Variants in ARRB1 observed in about 807,000 individuals in gnomAD.
The protein encoded by ARRB1 is arrestin beta 1.
A neutral mutation model predicts 56.8 loss-of-function variants in ARRB1; 21 were observed. The observed-to-expected ratio is 0.37, with a 90% CI of 0.26 to 0.53. ARRB1 has a LOEUF of 0.53. Ranked by LOEUF, ARRB1 falls within the 20% of genes least tolerant of loss-of-function variation. The pLI, the probability that ARRB1 is intolerant of heterozygous loss-of-function variation, is 0.88. For missense variants in ARRB1, 424 were observed against 553.7 expected (o/e 0.77, Z 2.35); for synonymous variants, 210 against 218.6 (o/e 0.96, Z 0.35).
At position 75,294,043 on chromosome 11, in the gene ARRB1, C is replaced by T. The variant is rs138247515; in HGVS notation, c.21-4004G>A. Among the ~76,000 whole-genome samples, 749 of 152,304 alleles carry T rather than the reference C, an allele frequency of 4.9e-3. 6 individuals carry two copies. The highest frequency in any genetic ancestry group is 0.017 in the African/African-American group (715 of 41,570). On this transcript the variant is annotated intron_variant, in intron 1 of 15. Coordinates refer to ENST00000420843, the MANE Select transcript of ARRB1 (RefSeq NM_004041.5). Reference sequence around the variant, plus strand: ...TTCTCACTCAGCTTCCCACTGCTAACTGGTTGAATGGCCCACTTCCAAATT... The same window carrying T: ...TTCTCACTCAGCTTCCCACTGCTAATTGGTTGAATGGCCCACTTCCAAATT...
intron 1 of ARRB1, among the ~76,000 whole-genome samples, chr11:75,318,621 C>T (rs1413950464): frequency 6.6e-6 from 1 of 151,796 alleles, no homozygotes; most frequent in African/African-American, 2.4e-5. Flanking sequence ...ACCTGGTAGG[C>T]GGAGGTGGCA....
chr11:75,269,241 G>C (rs750610297), intron 13 of ARRB1: 18 of 660,008 alleles, frequency 2.7e-5, no homozygotes, highest in Non-Finnish European at 4.8e-5. Context: ...GGGTGGGAAA[G>C]GATTGCCCGG....
In ARRB1 at chr11:75,288,616, C is replaced by CT. The variant is rs10580123; in HGVS notation, c.52-1242dup. ...TAGTCACCCTAAAATGCAAATCTTTCTTTTTTTTTTTTTTTTTGAGATGGA... is the reference window on the plus strand; with the variant it reads ...TAGTCACCCTAAAATGCAAATCTTTCTTTTTTTTTTTTTTTTTTGAGATGGA... On this transcript the variant is annotated intron_variant, in intron 2 of 15. Transcript: ENST00000420843. Among the ~76,000 whole-genome samples, 142 of 133,564 alleles carry CT rather than the reference C, an allele frequency of 1.1e-3. 1 individual carries two copies. Among genetic ancestry groups the CT allele is most frequent in the Middle Eastern group, 3.9e-3 (1 of 258 alleles). 87.6% of individuals were successfully genotyped at this position (133,564 alleles called of 152,430 possible). A position where few individuals can be genotyped will look rare whatever the true frequency, so the allele number is the denominator to read the frequency against.
chr11:75,274,241 G>A (rs941929066), intron 10 of ARRB1, 30 bp from the exon 11 acceptor site: 2 of 1,611,906 alleles, frequency 1.2e-6, no homozygotes. Context: ...CTGTGGAGAT[G>A]GCCCTCCCCA....
intron 11 of ARRB1, 37 bp downstream of exon 11, chr11:75,274,037 G>A (rs759791034): frequency 1.2e-6 from 2 of 1,613,728 alleles, no homozygotes; most frequent in Non-Finnish European, 1.7e-6. Context: ...CAGGCAAGAT[G>A]CACTAGGAGC....
intron 1 of ARRB1, chr11:75,335,052 G>C (rs1055283489): frequency 1.1e-5 from 2 of 177,024 alleles, no homozygotes; most frequent in Non-Finnish European, 2.8e-5. Flanking sequence ...GGGCCCTGGA[G>C]CGTGAAGGGC....
chr11:75,327,572 T>A (rs1947460151), intron 1 of ARRB1, among the ~76,000 whole-genome samples: 1 of 144,272 alleles, frequency 6.9e-6, no homozygotes, highest in Non-Finnish European at 1.5e-5. Context: ...TTGTTTATTT[T>A]TTTGTTTTGT....
chr11:75,300,765 G>A (rs569590884), intron 1 of ARRB1, among the ~76,000 whole-genome samples: 1 of 149,288 alleles, frequency 6.7e-6, no homozygotes, highest in Non-Finnish European at 1.5e-5. Context: ...AGGAGATCGA[G>A]ACCATCCTGG....
chr11:75,305,024 T>C (rs996774076), intron 1 of ARRB1, among the ~76,000 whole-genome samples: 2 of 136,532 alleles, frequency 1.5e-5, no homozygotes, highest in African/African-American at 5.5e-5. Flanking sequence ...CTTTCTTTTT[T>C]TTTTTTTTTT....
At chr11:75,351,026 G>C (rs1310252672) in intron 1 of ARRB1, among the ~76,000 whole-genome samples, 1 of 152,190 alleles carries the variant, frequency 6.6e-6, no homozygotes, top group Non-Finnish European at 1.5e-5. Context: ...TGATGTGTGT[G>C]CCAGCAAGAG....
At chr11:75,270,781 A>G (rs2140401199) in intron 13 of ARRB1, 1 of 152,270 alleles carries the variant, frequency 6.6e-6, no homozygotes, top group East Asian at 1.9e-4. Flanking sequence ...GGGCAATAGA[A>G]TCAGACCTTG....
In ARRB1 at chr11:75,266,073, G is replaced by A; in HGVS notation, c.*90C>T. The A allele has an allele frequency of 8.5e-7, 1 of 1,182,664 alleles. No homozygotes were observed. The highest frequency in any genetic ancestry group is 1.2e-6 in the Non-Finnish European group (1 of 800,532). 73.3% of individuals were successfully genotyped at this position (1,182,664 alleles called of 1,614,324 possible). A position where few individuals can be genotyped will look rare whatever the true frequency, so the allele number is the denominator to read the frequency against. On this transcript the variant is annotated 3_prime_UTR_variant, in exon 16 of 16. Transcript: ENST00000420843. ...CCTGGTAGAAACTGGAAGAACAAAG[G>A]GGAAAAGAAACCAGAACAGGAAGAA...
intron 13 of ARRB1, among the ~76,000 whole-genome samples, chr11:75,269,864 A>T (rs758735319): frequency 6.6e-6 from 1 of 152,194 alleles, no homozygotes; most frequent in Admixed American, 6.5e-5. Context: ...CAGAATTGAG[A>T]CTAACAAAAG....
intron 1 of ARRB1, among the ~76,000 whole-genome samples, chr11:75,317,488 T>G (rs1036870604): frequency 1.2e-4 from 18 of 152,196 alleles, no homozygotes; most frequent in African/African-American, 4.3e-4. Flanking sequence ...CCTTTGGCAC[T>G]TCCAAAGCCT....
Position 75,326,369 on chromosome 11 carries a change from A to C in ARRB1, c.20+25219T>G, listed in dbSNP as rs1591978356. Among the ~76,000 whole-genome samples, 4 of 152,362 alleles carry C rather than the reference A, an allele frequency of 2.6e-5. No homozygotes were observed. The South Asian group carries it at 8.3e-4, about 32-fold the overall frequency. Reference sequence around the variant, plus strand: ...ATAACAACAGCAGCTAACACGTAGTACTTACTTTGTGCCAAGCACTTTACA... The same window carrying C: ...ATAACAACAGCAGCTAACACGTAGTCCTTACTTTGTGCCAAGCACTTTACA... On this transcript the variant is annotated intron_variant, in intron 1 of 15. Coordinates refer to ENST00000420843, the MANE Select transcript of ARRB1 (RefSeq NM_004041.5).
intron 1 of ARRB1, among the ~76,000 whole-genome samples, chr11:75,324,026 A>C (rs1274749747): frequency 1.3e-5 from 2 of 152,206 alleles, no homozygotes. Context: ...GCTTGAATAC[A>C]CAAACACATG....
chr11:75,325,697 C>T (rs1350137853), intron 1 of ARRB1, among the ~76,000 whole-genome samples: 3 of 152,196 alleles, frequency 2.0e-5, no homozygotes, highest in Admixed American at 6.5e-5. Context: ...CTAGTGAACT[C>T]TGCGGCTCAT....
intron 1 of ARRB1, among the ~76,000 whole-genome samples, chr11:75,291,429 T>C (rs1048435238): frequency 6.6e-6 from 1 of 152,168 alleles, no homozygotes; most frequent in Non-Finnish European, 1.5e-5. Context: ...AGTGAAGGAA[T>C]CAACTGCCTT....
chr11:75,311,188 T>C (rs913069030), intron 1 of ARRB1, among the ~76,000 whole-genome samples: 1 of 151,886 alleles, frequency 6.6e-6, no homozygotes, highest in African/African-American at 2.4e-5. Flanking sequence ...AATACAAAAT[T>C]AGCCTGGCGT....
Sources: gnomAD v4.1 joint callset for allele counts (sites outside exome capture counted in the v4.1 genomes callset) on GRCh38, gnomAD v4.1.1 for gene constraint, MANE v1.5 for transcripts, NCBI Gene and HGNC (gene_info 2026-07-23, HGNC 2026-07-21) for gene names.